The following UBE3D variants were observed in gnomAD, a reference collection of about 807,000 sequenced individuals.
The protein encoded by UBE3D is E3 ubiquitin-protein ligase E3D.
UBE3D carries 48 observed loss-of-function variants against 49.6 expected under a neutral mutation model. The observed-to-expected ratio is 0.97, with a 90% CI of 0.77 to 1.23. The LOEUF (loss-of-function observed/expected upper bound fraction) is 1.23, where lower values mean the gene tolerates loss of function less well. UBE3D is among the 50% of genes most tolerant of loss of function. The pLI, the probability that UBE3D is intolerant of heterozygous loss-of-function variation, is 0.00. For synonymous variants in UBE3D, 189 were observed against 174.2 expected (o/e 1.08, Z -0.67); for missense variants, 452 against 468.4 (o/e 0.96, Z 0.32).
chr6:82,976,862 C>T (rs1381813016), intron 8 of UBE3D, among the ~76,000 whole-genome samples: 1 of 152,018 alleles, frequency 6.6e-6, no homozygotes, highest in Non-Finnish European at 1.5e-5. Flanking sequence ...CGCCTGTAAT[C>T]CCAGCACTTT....
At chr6:82,982,135 C>T (rs1009601736) in intron 8 of UBE3D, among the ~76,000 whole-genome samples, 3 of 152,068 alleles carry the variant, frequency 2.0e-5, no homozygotes, top group African/African-American at 7.2e-5. Context: ...CCTCATCACC[C>T]AGCTTCATCA....
chr6:82,978,374 T>C (rs1777878647), intron 8 of UBE3D, among the ~76,000 whole-genome samples: 1 of 152,178 alleles, frequency 6.6e-6, no homozygotes, highest in Non-Finnish European at 1.5e-5. Flanking sequence ...TTCCTGACTT[T>C]ATTTTCAAGT....
chr6:82,925,903 T>C (rs1269112828), intron 9 of UBE3D, among the ~76,000 whole-genome samples: 1 of 152,168 alleles, frequency 6.6e-6, no homozygotes, highest in Non-Finnish European at 1.5e-5. Flanking sequence ...AATGCTCATT[T>C]AGGTAGAAAA....
At chr6:82,962,783 C>G (rs1356442695) in intron 8 of UBE3D, among the ~76,000 whole-genome samples, 5 of 152,036 alleles carry the variant, frequency 3.3e-5, no homozygotes, top group Non-Finnish European at 7.4e-5. Context: ...ATGAACAAGG[C>G]AAAAGTATAT....
At chr6:82,912,737 T>C (rs938080289) in intron 9 of UBE3D, among the ~76,000 whole-genome samples, 3 of 152,224 alleles carry the variant, frequency 2.0e-5, no homozygotes, top group African/African-American at 7.2e-5. Context: ...CCTTGTAGAA[T>C]AAACTGCCTT....
intron 9 of UBE3D, among the ~76,000 whole-genome samples, chr6:82,912,353 GGCCAAT>G (rs1000229808): frequency 6.6e-6 from 1 of 151,708 alleles, no homozygotes; most frequent in African/African-American, 2.4e-5. Flanking sequence ...GCACACTGAA[GGCCAAT>G]TTTACAATGA....
intron 7 of UBE3D, among the ~76,000 whole-genome samples, chr6:83,021,419 G>A (rs897615796): frequency 6.6e-6 from 1 of 151,860 alleles, no homozygotes; most frequent in Non-Finnish European, 1.5e-5. Flanking sequence ...TCCAGCCTGT[G>A]TGATAGAGTA....
chr6:83,001,114 A>G (rs1223399904), intron 8 of UBE3D, among the ~76,000 whole-genome samples: 7 of 152,110 alleles, frequency 4.6e-5, no homozygotes, highest in African/African-American at 1.7e-4. Flanking sequence ...AAAGTGCTGG[A>G]ATTACAGGCG....
chr6:82,965,307 A>G (rs184844654), intron 8 of UBE3D, among the ~76,000 whole-genome samples: 1 of 152,290 alleles, frequency 6.6e-6, no homozygotes, highest in East Asian at 1.9e-4. Flanking sequence ...ATTAAAGAAG[A>G]GAACAGTGGC....
At chr6:82,906,403 C>CAAA (rs1216351488) in intron 9 of UBE3D, among the ~76,000 whole-genome samples, 1 of 152,190 alleles carries the variant, frequency 6.6e-6, no homozygotes, top group Admixed American at 6.6e-5. Context: ...CCACTGCAGT[C>CAAA]ATTCTCACTG....
chr6:82,943,998 C>CTGAACTTGAGTTCAGTCAAGCCCACTT (rs1409709265), intron 9 of UBE3D, among the ~76,000 whole-genome samples: 2 of 152,120 alleles, frequency 1.3e-5, no homozygotes, highest in Admixed American at 6.5e-5. Flanking sequence ...AGCTTTGTTA[C>CTGAACTTGAGTTCAGTCAAGCCCACTT]TGTGGGCTGA....
chr6:83,065,504 C>CTT, intron 1 of UBE3D, 138 bp downstream of exon 1: 1 of 775,126 alleles, frequency 1.3e-6, no homozygotes, highest in Non-Finnish European at 2.1e-6. Context: ...GAAAGCTTCA[C>CTT]TTTGAGTGAT....
At chr6:82,992,668 G>C (rs1778975404) in intron 8 of UBE3D, among the ~76,000 whole-genome samples, 1 of 152,070 alleles carries the variant, frequency 6.6e-6, no homozygotes, top group Non-Finnish European at 1.5e-5. Flanking sequence ...GGGCACTATG[G>C]GTCCCTGGCT....
intron 9 of UBE3D, among the ~76,000 whole-genome samples, chr6:82,920,355 G>A (rs1357353153): frequency 6.6e-6 from 1 of 152,202 alleles, no homozygotes; most frequent in Non-Finnish European, 1.5e-5. Flanking sequence ...AGGTAAATTG[G>A]CTTCTGCATT....
In UBE3D at chr6:83,065,787, G is replaced by T; in HGVS notation, c.-69C>A. ...GGGGCCCGGGTCAACAGGACCAGGAGAGGTTCCACGTGCGGACCAACCAGC... is the reference window on the plus strand; with the variant it reads ...GGGGCCCGGGTCAACAGGACCAGGATAGGTTCCACGTGCGGACCAACCAGC... On this transcript the variant is annotated 5_prime_UTR_variant, in exon 1 of 10. Coordinates refer to ENST00000369747, the MANE Select transcript of UBE3D (RefSeq NM_198920.3). 1 of 1,485,204 alleles carries T rather than the reference G, an allele frequency of 6.7e-7. No homozygotes were observed. The highest frequency in any genetic ancestry group is 1.4e-5 in the African/African-American group (1 of 71,724). 92.0% of individuals were successfully genotyped at this position (1,485,204 alleles called of 1,614,324 possible). A position where few individuals can be genotyped will look rare whatever the true frequency, so the allele number is the denominator to read the frequency against.
At chr6:82,982,532 T>A (rs925565157) in intron 8 of UBE3D, among the ~76,000 whole-genome samples, 2 of 152,182 alleles carry the variant, frequency 1.3e-5, no homozygotes, top group African/African-American at 4.8e-5. Context: ...AATTTCCCAA[T>A]CTGGATTTTG....
chr6:82,931,279 G>A (rs1268348468), intron 9 of UBE3D, among the ~76,000 whole-genome samples: 1 of 152,256 alleles, frequency 6.6e-6, no homozygotes, highest in Non-Finnish European at 1.5e-5. Flanking sequence ...GAGCCCTCAT[G>A]GAGAACTTCT....
At chr6:83,022,647 C>T in intron 6 of UBE3D, 86 bp from the exon 7 acceptor site, 1 of 898,742 alleles carries the variant, frequency 1.1e-6, no homozygotes, top group South Asian at 2.1e-5. Context: ...CACACGGTAC[C>T]TAAAAGGCAG....
At chr6:82,957,884 G>C (rs1296966648) in intron 8 of UBE3D, among the ~76,000 whole-genome samples, 2 of 152,126 alleles carry the variant, frequency 1.3e-5, no homozygotes, top group Admixed American at 1.3e-4. Flanking sequence ...GAGCTGGATA[G>C]GCCCTTATGG....
Sources: allele counts gnomAD v4.1 joint callset (sites outside exome capture counted in the v4.1 genomes callset), GRCh38; gene constraint gnomAD v4.1.1; transcripts MANE v1.5; gene names NCBI Gene and HGNC (gene_info 2026-07-23, HGNC 2026-07-21).